The following MDGA2 variants were observed in gnomAD, a reference collection of about 807,000 sequenced individuals.
MDGA2 encodes the protein MAM domain containing glycosylphosphatidylinositol anchor 2.
In MDGA2, 40 loss-of-function variants were observed where a neutral mutation model predicts 117.8. That is an observed-to-expected ratio of 0.34 (90% CI 0.26 to 0.44). The LOEUF is 0.44. Among genes scored for constraint, MDGA2 ranks in the 20% least tolerant of loss-of-function variants. The pLI, the probability that MDGA2 is intolerant of heterozygous loss-of-function variation, is 1.00. For synonymous variants in MDGA2, 452 were observed against 439.0 expected (o/e 1.03, Z -0.37); for missense variants, 1,123 against 1,250.6 (o/e 0.90, Z 1.54).
At chr14:47,013,772 G>GTATGTATATATATATATATA (rs1555343312) in intron 8 of MDGA2, among the ~76,000 whole-genome samples, 3 of 93,686 alleles carry the variant, frequency 3.2e-5, no homozygotes, top group Non-Finnish European at 2.2e-5. Flanking sequence ...TAATTTCCTT[G>GTATGTATATATATATATATA]TATATATATA....
intron 8 of MDGA2, among the ~76,000 whole-genome samples, chr14:47,030,113 AC>A (rs959543898): frequency 6.6e-6 from 1 of 151,798 alleles, no homozygotes; most frequent in African/African-American, 2.4e-5. Context: ...GGTGTGAGCC[AC>A]CCCCCGCCCA....
intron 1 of MDGA2, among the ~76,000 whole-genome samples, chr14:47,642,019 T>A (rs999581922): frequency 6.6e-6 from 1 of 152,102 alleles, no homozygotes; most frequent in African/African-American, 2.4e-5. Context: ...AGTGCTTAAT[T>A]ACCTCATTCC....
intron 1 of MDGA2, among the ~76,000 whole-genome samples, chr14:47,635,487 G>GA (rs150082165): frequency 6.6e-6 from 1 of 151,992 alleles, no homozygotes; most frequent in African/African-American, 2.4e-5. Context: ...ATAATTGTGC[G>GA]AAAAAAAGTT....
intron 4 of MDGA2, among the ~76,000 whole-genome samples, chr14:47,137,779 T>C (rs1177006496): frequency 6.6e-6 from 1 of 152,126 alleles, no homozygotes; most frequent in Non-Finnish European, 1.5e-5. Flanking sequence ...GAAAAGCCTC[T>C]AGAGCCATGA....
chr14:47,048,554 C>T (rs1247837411), intron 7 of MDGA2, among the ~76,000 whole-genome samples: 1 of 152,072 alleles, frequency 6.6e-6, no homozygotes, highest in Non-Finnish European at 1.5e-5. Flanking sequence ...GCCTGTTTTA[C>T]AAATTCCCTA....
intron 1 of MDGA2, among the ~76,000 whole-genome samples, chr14:47,567,240 TC>T (rs1022974727): frequency 6.6e-6 from 1 of 152,112 alleles, no homozygotes; most frequent in African/African-American, 2.4e-5. Context: ...AAGATATCCA[TC>T]CAAACATCTA....
chr14:46,959,327 T>C (rs1885699827), intron 8 of MDGA2, among the ~76,000 whole-genome samples: 1 of 148,914 alleles, frequency 6.7e-6, no homozygotes, highest in Non-Finnish European at 1.5e-5. Flanking sequence ...ATATATATAG[T>C]CTAACATTAT....
At chr14:47,013,769 C>CA (rs1887977008) in intron 8 of MDGA2, among the ~76,000 whole-genome samples, 2 of 26,928 alleles carry the variant, frequency 7.4e-5, no homozygotes, top group East Asian at 0.01. Context: ...CATTAATTTC[C>CA]TTGTATATAT....
rs117965200 is a variant in MDGA2 at position 47,519,772 on chromosome 14, T to C, written c.280+154745A>G. On this transcript the variant is annotated intron_variant, in intron 1 of 16. Coordinates refer to ENST00000399232, the MANE Select transcript of MDGA2 (RefSeq NM_001113498.3). The stretch of plus-strand genomic sequence containing the variant: ...TGGGCATTCTTACCTTAATAAGCTA[T>C]AATTTGTGAGATAATGATATCCAAA... 9.6e-3 allele frequency among the ~76,000 whole-genome samples: 1,468 copies of C among 152,296 alleles called. 16 individuals are homozygous for C. The highest frequency in any genetic ancestry group is 0.016 in the Non-Finnish European group (1,111 of 68,008).
At chr14:47,582,359 C>T (rs1594928811) in intron 1 of MDGA2, among the ~76,000 whole-genome samples, 2 of 151,774 alleles carry the variant, frequency 1.3e-5, no homozygotes, top group East Asian at 3.9e-4. Context: ...ACAATCAATT[C>T]ATGTTTTAAA....
chr14:47,374,146 C>T (rs1891426062), intron 1 of MDGA2, among the ~76,000 whole-genome samples: 1 of 152,020 alleles, frequency 6.6e-6, no homozygotes, highest in Admixed American at 6.6e-5. Context: ...ATAGGAACAT[C>T]ATCTTTAATG....
intron 6 of MDGA2, among the ~76,000 whole-genome samples, chr14:47,063,705 G>C (rs945868171): frequency 6.6e-6 from 1 of 151,966 alleles, no homozygotes; most frequent in Admixed American, 6.6e-5. Context: ...TGTTTTTAAA[G>C]AGAAATTTTA....
chr14:46,868,855 T>C (rs1357260846), intron 14 of MDGA2, among the ~76,000 whole-genome samples: 1 of 151,998 alleles, frequency 6.6e-6, no homozygotes, highest in Non-Finnish European at 1.5e-5. Flanking sequence ...TGGAGACTGT[T>C]AGGAAGGCAA....
intron 6 of MDGA2, among the ~76,000 whole-genome samples, chr14:47,087,786 A>G (rs1433822970): frequency 1.6e-5 from 2 of 122,998 alleles, no homozygotes; most frequent in African/African-American, 3.2e-5. Flanking sequence ...GCACTGTTTT[A>G]CAACTGTAGG....
At chr14:47,451,801 C>T (rs541483103) in intron 1 of MDGA2, among the ~76,000 whole-genome samples, 107 of 152,084 alleles carry the variant, frequency 7.0e-4, no homozygotes, top group Non-Finnish European at 6.0e-4. Context: ...TACAATAAAA[C>T]GTTTGCCATT....
chr14:47,510,544 AT>A (rs1566491847), intron 1 of MDGA2, among the ~76,000 whole-genome samples: 2 of 152,136 alleles, frequency 1.3e-5, no homozygotes, highest in Non-Finnish European at 2.9e-5. Flanking sequence ...GTTTAACTCA[AT>A]GTCTTAAAAA....
At chr14:47,567,737 A>T (rs1895946008) in intron 1 of MDGA2, among the ~76,000 whole-genome samples, 1 of 152,184 alleles carries the variant, frequency 6.6e-6, no homozygotes, top group Admixed American at 6.5e-5. Context: ...ACCTGATCTA[A>T]GAGTGTTCCA....
chr14:47,507,591 G>A (rs1230712112), intron 1 of MDGA2, among the ~76,000 whole-genome samples: 1 of 152,074 alleles, frequency 6.6e-6, no homozygotes, highest in African/African-American at 2.4e-5. Flanking sequence ...TAACATGTTG[G>A]CTATAAATTA....
chr14:47,384,296 A>G (rs147472150), intron 1 of MDGA2, among the ~76,000 whole-genome samples: 41 of 150,702 alleles, frequency 2.7e-4, no homozygotes, highest in African/African-American at 9.8e-4. Context: ...GCTGAGCCAC[A>G]TGAGGGGATC....
Sources: allele counts gnomAD v4.1 joint callset (sites outside exome capture counted in the v4.1 genomes callset), GRCh38; gene constraint gnomAD v4.1.1; transcripts MANE v1.5; gene names NCBI Gene and HGNC (gene_info 2026-07-23, HGNC 2026-07-21).